Variants in MAD1L1 observed in about 807,000 individuals in gnomAD.
MAD1L1 encodes mitotic spindle assembly checkpoint protein MAD1.
A neutral mutation model predicts 96.9 loss-of-function variants in MAD1L1; 95 were observed. That is an observed-to-expected ratio of 0.98 (90% CI 0.83 to 1.16). MAD1L1 has a LOEUF of 1.16. Ranked by LOEUF, MAD1L1 falls within the 50% of genes most tolerant of loss-of-function variation. MAD1L1 has a pLI of 0.00. For missense variants in MAD1L1, 1,007 were observed against 954.4 expected (o/e 1.06, Z -0.73); for synonymous variants, 473 against 396.6 (o/e 1.19, Z -2.29).
chr7:1,828,291 G>A (rs1481158669), intron 18 of MAD1L1, among the ~76,000 whole-genome samples: 5 of 152,238 alleles, frequency 3.3e-5, no homozygotes, highest in Non-Finnish European at 5.9e-5. Context: ...TGGGGAGACA[G>A]TCACAGCCCA....
At chr7:2,226,751 A>G (rs1253905991) in intron 3 of MAD1L1, among the ~76,000 whole-genome samples, 2 of 152,114 alleles carry the variant, frequency 1.3e-5, no homozygotes, top group African/African-American at 4.8e-5. Flanking sequence ...GTACTTTGAG[A>G]GGCCAAGGCG....
rs114621236 is a variant in MAD1L1, at chr7:1,968,990, C to T, written c.1506-11271G>A. On this transcript the variant is annotated intron_variant, in intron 15 of 18. Coordinates refer to ENST00000265854, the MANE Select transcript of MAD1L1 (RefSeq NM_001013836.2). The surrounding 1 kb of genome is among the most constrained non-coding windows in gnomAD (Gnocchi z 5.6). ...CCATGGCAGCGTGAGATGTCAACAGCGAGAGAAACCGGGTGAAGAGGGTAT... is the reference window on the plus strand; with the variant it reads ...CCATGGCAGCGTGAGATGTCAACAGTGAGAGAAACCGGGTGAAGAGGGTAT... Among the ~76,000 whole-genome samples, 1,914 of 152,304 alleles carry T rather than the reference C, an allele frequency of 0.013. 37 individuals are homozygous for T. The highest frequency in any genetic ancestry group is 0.044 in the African/African-American group (1,842 of 41,560).
chr7:2,128,527 AG>A (rs1280633140), intron 11 of MAD1L1, among the ~76,000 whole-genome samples: 1 of 152,222 alleles, frequency 6.6e-6, no homozygotes, highest in African/African-American at 2.4e-5. Flanking sequence ...GCCCTGCCTG[AG>A]GGAAGGCCCT....
chr7:2,013,136 C>T (rs1024535964), intron 13 of MAD1L1, among the ~76,000 whole-genome samples: 3 of 152,254 alleles, frequency 2.0e-5, no homozygotes, highest in African/African-American at 4.8e-5. Context: ...CCCTGGCACA[C>T]GGCCCAGCCT....
chr7:2,026,505 A>C (rs576233593), intron 12 of MAD1L1, among the ~76,000 whole-genome samples: 2 of 152,346 alleles, frequency 1.3e-5, no homozygotes, highest in East Asian at 3.9e-4. Context: ...ACTATTTTCA[A>C]GTGTGTATGG....
intron 18 of MAD1L1, among the ~76,000 whole-genome samples, chr7:1,841,145 G>A (rs1479331887): frequency 6.6e-6 from 1 of 152,212 alleles, no homozygotes; most frequent in Non-Finnish European, 1.5e-5. Flanking sequence ...CGATAACCTG[G>A]CTGCTGCCCA....
At chr7:1,884,993 G>A (rs1022965125) in intron 18 of MAD1L1, among the ~76,000 whole-genome samples, 3 of 152,220 alleles carry the variant, frequency 2.0e-5, no homozygotes, top group Non-Finnish European at 2.9e-5. Context: ...GGGGATCACT[G>A]TGCATGAAGT....
At chr7:2,194,215 C>A (rs1791875203) in intron 10 of MAD1L1, among the ~76,000 whole-genome samples, 1 of 152,064 alleles carries the variant, frequency 6.6e-6, no homozygotes, top group Non-Finnish European at 1.5e-5. Flanking sequence ...CCACCTCAGC[C>A]TCCCAAAGTG....
chr7:2,163,765 G>A (rs1790281165), intron 10 of MAD1L1, among the ~76,000 whole-genome samples: 1 of 152,124 alleles, frequency 6.6e-6, no homozygotes, highest in South Asian at 2.1e-4. Flanking sequence ...AGCACTGGAC[G>A]CCCTGGAGGC....
intron 10 of MAD1L1, among the ~76,000 whole-genome samples, chr7:2,192,706 C>A (rs1023571792): frequency 6.6e-6 from 1 of 152,102 alleles, no homozygotes; most frequent in Non-Finnish European, 1.5e-5. Flanking sequence ...CCCTCATGCT[C>A]CTAAACTAAC....
At chr7:2,153,743 T>C (rs1789691584) in intron 10 of MAD1L1, among the ~76,000 whole-genome samples, 1 of 152,226 alleles carries the variant, frequency 6.6e-6, no homozygotes, top group Non-Finnish European at 1.5e-5. Context: ...GATACCTGCA[T>C]TCCCATGTTT....
At chr7:1,978,052 G>A (rs377099084) in intron 15 of MAD1L1, among the ~76,000 whole-genome samples, 39 of 152,364 alleles carry the variant, frequency 2.6e-4, no homozygotes, top group African/African-American at 8.7e-4. Context: ...TTCCCGATGC[G>A]CTGCTGTGCA....
chr7:1,858,820 G>A (rs905798690), intron 18 of MAD1L1, among the ~76,000 whole-genome samples: 7 of 152,234 alleles, frequency 4.6e-5, no homozygotes, highest in African/African-American at 9.6e-5. Context: ...AATGCTTCAC[G>A]AGCACGGGCA....
chr7:2,067,190 C>T (rs1013108523), intron 12 of MAD1L1, among the ~76,000 whole-genome samples: 20 of 148,586 alleles, frequency 1.3e-4, no homozygotes, highest in Non-Finnish European at 2.5e-4. Flanking sequence ...CATCAGGCCA[C>T]GTTCGCAGGC....
In MAD1L1 at chr7:1,980,539, C is replaced by T; in HGVS notation, c.1419G>A (p.Leu473=). 6.2e-7 allele frequency: 1 copy of T among 1,611,304 alleles called. No homozygotes were observed. The highest frequency in any genetic ancestry group is 1.1e-5 in the South Asian group (1 of 90,506). ...ACTTCAGCATCTTCAGCTCCATCTC[C>T]AGCTAGGAGAAAGCAAAGGATAGAG... ...LGGQKQRADM[L]EMELKMLKSQ... The change falls in exon 15 of 19, where the codon CTG becomes CTA. Residue 473 remains leucine (L), a splice_region_variant and synonymous_variant. Transcript: ENST00000265854.
Position 2,208,128 on chromosome 7 carries a change from G to A in MAD1L1, c.986+5084C>T, listed in dbSNP as rs11971774. 3.7e-3 allele frequency among the ~76,000 whole-genome samples: 564 copies of A among 152,264 alleles called. 7 individuals carry two copies. Among genetic ancestry groups the A allele is most frequent in the African/African-American group, 0.013 (533 of 41,554 alleles). ...TCAGTTGCGTCTTAAGCTTCTCAGT[G>A]TACAAATCTTACACAGATTTTCTTA... is the stretch of plus-strand genomic sequence containing the variant. On this transcript the variant is annotated intron_variant, in intron 10 of 18. Transcript: ENST00000265854.
chr7:2,220,128 G>T (rs564417235), intron 5 of MAD1L1, among the ~76,000 whole-genome samples: 2 of 152,326 alleles, frequency 1.3e-5, no homozygotes, highest in Admixed American at 1.3e-4. Context: ...CCACAGCAAG[G>T]CACTGGCCAA....
intron 17 of MAD1L1, among the ~76,000 whole-genome samples, chr7:1,912,496 C>G (rs1788084752): frequency 6.6e-6 from 1 of 152,192 alleles, no homozygotes; most frequent in Non-Finnish European, 1.5e-5. Context: ...CCACAGAGGG[C>G]AAGGGGTGCC....
intron 11 of MAD1L1, 75 bp downstream of exon 11, chr7:2,149,077 G>A: frequency 7.6e-7 from 1 of 1,319,186 alleles, no homozygotes; most frequent in Non-Finnish European, 1.1e-6. Context: ...AGAGCCAGGG[G>A]GCACACACTC....
Sources: gnomAD v4.1 joint callset for allele counts (sites outside exome capture counted in the v4.1 genomes callset) on GRCh38, gnomAD v4.1.1 for gene constraint, Gnocchi (gnomAD v3.1) non-coding constraint, MANE v1.5 for transcripts, NCBI Gene and HGNC (gene_info 2026-07-23, HGNC 2026-07-21) for gene names.